The following MRTFA variants were observed in gnomAD, a reference collection of about 807,000 sequenced individuals.
The protein encoded by MRTFA is myocardin-related transcription factor A.
Under a neutral mutation model 83.5 loss-of-function variants are expected in MRTFA, and 20 were observed. That is an observed-to-expected ratio of 0.24 (90% confidence interval 0.17 to 0.35). The LOEUF is 0.35. Among genes scored for constraint, MRTFA ranks in the 10% least tolerant of loss-of-function variants. MRTFA has a pLI of 1.00. For synonymous variants in MRTFA, 659 were observed against 541.2 expected, an observed-to-expected ratio of 1.22 and a Z score of -3.02; for missense variants, 1,200 against 1,224.7, an observed-to-expected ratio of 0.98 and a Z score of 0.30.
chr22:40,432,653 G>C (rs2053090823), intron 5 of MRTFA, among the ~76,000 whole-genome samples: 1 of 149,000 alleles, frequency 6.7e-6, no homozygotes, highest in African/African-American at 2.5e-5. Flanking sequence ...ATTATATATA[G>C]TAAAGGTAAA....
At chr22:40,488,952 AG>A (rs1177418372) in intron 3 of MRTFA, among the ~76,000 whole-genome samples, 2 of 152,222 alleles carry the variant, frequency 1.3e-5, no homozygotes, top group Non-Finnish European at 2.9e-5. Context: ...GATTGATGTT[AG>A]ATCTTTCATA....
At chr22:40,628,168 A>G (rs922542916) in intron 1 of MRTFA, among the ~76,000 whole-genome samples, 2 of 152,196 alleles carry the variant, frequency 1.3e-5, no homozygotes, top group Admixed American at 6.5e-5. Flanking sequence ...CATAATCCTT[A>G]TAACGACCTC....
chr22:40,502,546 G>A (rs1318099300), intron 3 of MRTFA, among the ~76,000 whole-genome samples: 3 of 142,678 alleles, frequency 2.1e-5, no homozygotes, highest in Non-Finnish European at 4.6e-5. Flanking sequence ...GCGGCCGGGC[G>A]GAGACGCTCC....
intron 4 of MRTFA, among the ~76,000 whole-genome samples, chr22:40,448,234 C>T (rs374989180): frequency 2.1e-4 from 32 of 152,282 alleles, no homozygotes; most frequent in East Asian, 1.9e-3. Flanking sequence ...CGCTTGAACC[C>T]GGGTAGCGGA....
At chr22:40,434,576 C>G (rs999172964) in intron 5 of MRTFA, among the ~76,000 whole-genome samples, 1 of 151,746 alleles carries the variant, frequency 6.6e-6, no homozygotes, top group African/African-American at 2.4e-5. Context: ...ACAAAAATTA[C>G]CCAGGCGTGG....
At chr22:40,512,746 AG>A (rs2147244233) in intron 3 of MRTFA, among the ~76,000 whole-genome samples, 1 of 152,368 alleles carries the variant, frequency 6.6e-6, no homozygotes, top group East Asian at 1.9e-4. Flanking sequence ...ATGTTGGCAG[AG>A]GCTAATGTTT....
chr22:40,494,628 C>T (rs1251782972), intron 3 of MRTFA, among the ~76,000 whole-genome samples: 1 of 151,804 alleles, frequency 6.6e-6, no homozygotes, highest in Non-Finnish European at 1.5e-5. Flanking sequence ...CTGCAGTGAG[C>T]CGAGATCATG....
chr22:40,478,640 G>A (rs900136693), intron 3 of MRTFA, among the ~76,000 whole-genome samples: 1 of 152,048 alleles, frequency 6.6e-6, no homozygotes, highest in Non-Finnish European at 1.5e-5. Context: ...GTGAGACGAC[G>A]AATCTCAAGT....
rs567314485 is a variant in MRTFA at position 40,559,219 on chromosome 22, G to A, written c.-21-6852C>T. Among the ~76,000 whole-genome samples the A allele has an allele frequency of 6.6e-5, 10 of 152,180 alleles. No homozygotes were observed. The South Asian group carries it at 1.0e-3, about 16-fold the overall frequency. On this transcript the variant is annotated intron_variant, in intron 2 of 14. Transcript: ENST00000355630. ...ATCCTGGGCAACATGGCAAAACCCC[G>A]TCTCTACAAAACACACAAAAGTTAG... is the stretch of plus-strand genomic sequence containing the variant.
At chr22:40,574,964 C>T (rs2055847868) in intron 2 of MRTFA, among the ~76,000 whole-genome samples, 1 of 152,174 alleles carries the variant, frequency 6.6e-6, no homozygotes, top group East Asian at 1.9e-4. Flanking sequence ...TCTGCAGACT[C>T]CACTTTGTGA....
intron 3 of MRTFA, among the ~76,000 whole-genome samples, chr22:40,476,509 G>A (rs1372659564): frequency 3.3e-5 from 5 of 152,000 alleles, no homozygotes; most frequent in Non-Finnish European, 7.4e-5. Flanking sequence ...CCAGGCTGGA[G>A]AGCAGTGGTG....
chr22:40,537,111 T>G (rs1602401090), intron 3 of MRTFA, among the ~76,000 whole-genome samples: 3 of 43,520 alleles, frequency 6.9e-5, no homozygotes, highest in Admixed American at 2.9e-4. Flanking sequence ...GGGAGGGAGG[T>G]GGGGGGGTCA....
intron 3 of MRTFA, among the ~76,000 whole-genome samples, chr22:40,484,201 T>C (rs1415119179): frequency 6.6e-6 from 1 of 152,080 alleles, no homozygotes. Context: ...TCTTCAGTCC[T>C]AAATGATGTA....
At chr22:40,561,761 T>G (rs1602431677) in intron 2 of MRTFA, among the ~76,000 whole-genome samples, 1 of 152,148 alleles carries the variant, frequency 6.6e-6, no homozygotes, top group East Asian at 1.9e-4. Context: ...TGGTTGCAAA[T>G]TACCTGACAC....
At chr22:40,455,675 G>A (rs2053572660) in intron 4 of MRTFA, among the ~76,000 whole-genome samples, 1 of 151,322 alleles carries the variant, frequency 6.6e-6, no homozygotes, top group Admixed American at 6.6e-5. Flanking sequence ...CATATGGAGT[G>A]GAGGGTGAGG....
In MRTFA at chr22:40,411,538, C is replaced by CCAT. The variant is rs2052538029; in HGVS notation, c.2945_2947dup (p.Asp982dup). The stretch of plus-strand genomic sequence containing the variant: ...CAGCCAGTCCATGCTGTCCAGGTGG[C>CCAT]CATCAGCCAGGTCCAGGCCCATGGT... On this transcript the variant is annotated inframe_insertion, in exon 15 of 15. Coordinates refer to ENST00000355630, the MANE Select transcript of MRTFA (RefSeq NM_020831.6). 1 of 1,613,356 alleles carries CCAT rather than the reference C, an allele frequency of 6.2e-7. No individual in the cohort carries two copies. Among genetic ancestry groups the CCAT allele is most frequent in the Admixed American group, 1.7e-5 (1 of 59,980 alleles).
At chr22:40,533,867 A>C in intron 3 of MRTFA, 1 of 360,522 alleles carries the variant, frequency 2.8e-6, no homozygotes, top group Non-Finnish European at 5.0e-6. Flanking sequence ...TCTCCAGTTA[A>C]GACATACTAA....
chr22:40,608,785 A>G (rs1234296291), intron 1 of MRTFA, among the ~76,000 whole-genome samples: 1 of 152,204 alleles, frequency 6.6e-6, no homozygotes, highest in Admixed American at 6.5e-5. Flanking sequence ...AATAAAAATA[A>G]AAGTACTTCA....
At chr22:40,439,529 A>G (rs965579421) in intron 4 of MRTFA, among the ~76,000 whole-genome samples, 79 of 149,416 alleles carry the variant, frequency 5.3e-4, no homozygotes, top group Admixed American at 2.1e-3. Flanking sequence ...AAAAAAAAAA[A>G]AGAGACAGAA....
Sources: gnomAD v4.1 joint callset for allele counts (sites outside exome capture counted in the v4.1 genomes callset) on GRCh38, gnomAD v4.1.1 for gene constraint, MANE v1.5 for transcripts, NCBI Gene and HGNC (gene_info 2026-07-23, HGNC 2026-07-21) for gene names.